Variants in MYCBP2 observed in about 807,000 individuals in gnomAD.
MYCBP2 encodes the protein MYC binding protein 2.
In MYCBP2, 120 loss-of-function variants were observed where a neutral mutation model predicts 525.3. That is an observed-to-expected ratio of 0.23 (90% confidence interval 0.20 to 0.27). MYCBP2 has a LOEUF of 0.27. Among genes scored for constraint, MYCBP2 ranks in the 10% least tolerant of loss-of-function variants. The probability of loss-of-function intolerance (pLI) is 1.00; values close to 1 mark genes in which losing one functional copy is unlikely to be tolerated. For synonymous variants in MYCBP2, 1,894 were observed against 1,955.8 expected (o/e 0.97, Z 0.83); for missense variants, 4,149 against 5,657.1 (o/e 0.73, Z 8.55).
chr13:77,074,117 G>A lies in MYCBP2; in HGVS notation c.11823+2634C>T, dbSNP rs1048523306. Among the ~76,000 whole-genome samples the A allele has an allele frequency of 2.0e-5, 3 of 150,146 alleles. No homozygotes were observed. In the South Asian group the frequency reaches 6.3e-4, roughly 32 times the overall value. On this transcript the variant is annotated intron_variant, in intron 68 of 82. Coordinates refer to ENST00000544440, the MANE Select transcript of MYCBP2 (RefSeq NM_015057.5). ...TAGATAAAGAACAAAGTTAGAACCTGATATCAAGACTTTTTATAAAGCTAC... is the reference window on the plus strand; with the variant it reads ...TAGATAAAGAACAAAGTTAGAACCTAATATCAAGACTTTTTATAAAGCTAC...
At position 77,270,490 on chromosome 13, in the gene MYCBP2, C is replaced by A; in HGVS notation, c.994G>T (p.Val332Leu). Residue 332 changes from valine (V) to leucine (L), a missense_variant, in exon 6 of 83, where the codon GTG (valine) becomes TTG (leucine). Around this residue, in one of 21 missense-constraint regions of MYCBP2, gnomAD observed 413 missense variants for 451.2 expected, o/e 0.92. Transcript: ENST00000544440. The part of the protein sequence containing the change: ...SLQRSVQAVL[V>L]GKIQIQDWFS... Reference sequence around the variant, plus strand: ...CAGTCCTGAATTTGAATTTTTCCCACCAAAACTGCTTGTACACTTCTCTGT... The same window carrying A: ...CAGTCCTGAATTTGAATTTTTCCCAACAAAACTGCTTGTACACTTCTCTGT... The A allele has an allele frequency of 6.2e-7, 1 of 1,613,550 alleles. No homozygotes were observed. The highest frequency in any genetic ancestry group is 8.5e-7 in the Non-Finnish European group (1 of 1,179,706).
intron 15 of MYCBP2, 122 bp downstream of exon 15, chr13:77,251,029 G>C: frequency 1.4e-6 from 1 of 691,484 alleles, no homozygotes; most frequent in Non-Finnish European, 2.3e-6. Flanking sequence ...TTTTGGCTAA[G>C]ATCAAGTGAA....
At chr13:77,177,997 T>A (rs759986458) in intron 34 of MYCBP2, 43 bp from the exon 35 acceptor site, 2 of 1,185,744 alleles carry the variant, frequency 1.7e-6, no homozygotes, top group East Asian at 4.7e-5. Context: ...TGGTATACCT[T>A]TAACAAAACC....
chr13:77,215,233 ATGAGCCCC>A, intron 21 of MYCBP2, among the ~76,000 whole-genome samples: 1 of 152,190 alleles, frequency 6.6e-6, no homozygotes, highest in East Asian at 1.9e-4. Flanking sequence ...ACTGAAACAA[ATGAGCCCC>A]ACTCTATTCC....
Position 77,176,599 on chromosome 13 carries a change from G to C in MYCBP2, c.5370C>G (p.Ser1790=), listed in dbSNP as rs748422990. ...CTAATTCCAGAGATGTCCATCTGTGGGAATGAGTTGAATCTCCTGCATGTT... is the reference window on the plus strand; with the variant it reads ...CTAATTCCAGAGATGTCCATCTGTGCGAATGAGTTGAATCTCCTGCATGTT... ...DSEHAGDSTH[S]HRWTSLELVK... is the part of the protein sequence containing the mutation. Residue 1790 remains serine (S), a synonymous_variant, in exon 36 of 83, where the codon TCC becomes TCG. Coordinates refer to ENST00000544440, the MANE Select transcript of MYCBP2 (RefSeq NM_015057.5). The C allele has an allele frequency of 6.3e-7, 1 of 1,582,904 alleles. No homozygotes were observed. The highest frequency in any genetic ancestry group is 1.3e-5 in the African/African-American group (1 of 74,316).
At chr13:77,186,778 C>A (rs1210984175) in intron 30 of MYCBP2, among the ~76,000 whole-genome samples, 1 of 150,986 alleles carries the variant, frequency 6.6e-6, no homozygotes, top group Non-Finnish European at 1.5e-5. Flanking sequence ...TCCCAGAGCT[C>A]CTGAAAACGA....
In MYCBP2 at chr13:77,051,182, A is replaced by T; in HGVS notation, c.13756-20T>A. Reference sequence around the variant, plus strand: ...ACACATCTATAGCAAAAGAGAAGAGACAGACACAAGATCATAGTGAGACTA... The same window carrying T: ...ACACATCTATAGCAAAAGAGAAGAGTCAGACACAAGATCATAGTGAGACTA... On this transcript the variant is annotated intron_variant, in intron 81 of 82. Transcript: ENST00000544440. The T allele has an allele frequency of 1.3e-6, 2 of 1,593,020 alleles. No homozygotes were observed. Among genetic ancestry groups the T allele is most frequent in the South Asian group, 2.3e-5 (2 of 88,092 alleles).
At chr13:77,230,538 A>AGAT (rs1452536026) in intron 18 of MYCBP2, among the ~76,000 whole-genome samples, 1 of 152,224 alleles carries the variant, frequency 6.6e-6, no homozygotes, top group Non-Finnish European at 1.5e-5. Context: ...ATACATTATG[A>AGAT]GATATCTTGG....
intron 14 of MYCBP2, among the ~76,000 whole-genome samples, 154 bp downstream of exon 14, chr13:77,257,517 T>C (rs1230444065): frequency 1.3e-5 from 2 of 151,770 alleles, no homozygotes; most frequent in African/African-American, 4.8e-5. Context: ...ATACCTACTA[T>C]CTACCCATAA....
At chr13:77,176,033 T>A (rs1452585460) in intron 36 of MYCBP2, among the ~76,000 whole-genome samples, 2 of 148,240 alleles carry the variant, frequency 1.3e-5, no homozygotes, top group Admixed American at 6.8e-5. Context: ...TTTTTTTTTT[T>A]AAATGAGTTA....
In MYCBP2 at chr13:77,091,998, G is replaced by A. The variant is rs141514914; in HGVS notation, c.10367+1167C>T. ...ATAAAAGGTTGCACTGCACTCTGGA[G>A]AAAATGTCAAGAGCAGCTTCAAAGA... On this transcript the variant is annotated intron_variant, in intron 59 of 82. Transcript: ENST00000544440. 5.3e-5 allele frequency among the ~76,000 whole-genome samples: 8 copies of A among 149,716 alleles called. No individual in the cohort carries two copies. The East Asian group carries it at 1.6e-3, about 30-fold the overall frequency.
intron 22 of MYCBP2, among the ~76,000 whole-genome samples, chr13:77,211,632 A>G (rs988045889): frequency 1.3e-5 from 2 of 152,146 alleles, no homozygotes; most frequent in Non-Finnish European, 2.9e-5. Flanking sequence ...CTCCCATAAA[A>G]ATTAATTTCT....
chr13:77,270,635 A>C, intron 5 of MYCBP2, 97 bp from the exon 6 acceptor site: 1 of 1,244,052 alleles, frequency 8.0e-7, no homozygotes, highest in Non-Finnish European at 1.1e-6. Context: ...TCATAAGACA[A>C]TAAATTGTTC....
In MYCBP2 at chr13:77,185,226, C is replaced by T; in HGVS notation, c.4596G>A (p.Leu1532=). The stretch of plus-strand genomic sequence containing the variant: ...CCTGAAGGACAGCTTCTAGAAGACT[C>T]AAGGGTTGACTGAGATATCCTTGAG... ...NDPQGYLSQP[L]SLLEAVLQEC... The change falls in exon 32 of 83, where the codon TTG becomes TTA. Residue 1532 remains leucine (L), a synonymous_variant. Transcript: ENST00000544440. 2.5e-6 allele frequency: 4 copies of T among 1,614,126 alleles called. No individual in the cohort carries two copies. The highest frequency in any genetic ancestry group is 1.7e-4 in the Middle Eastern group (1 of 6,060).
At chr13:77,101,899 CAAATAT>C (rs1302229119) in intron 55 of MYCBP2, among the ~76,000 whole-genome samples, 2 of 151,896 alleles carry the variant, frequency 1.3e-5, no homozygotes, top group Non-Finnish European at 2.9e-5. Context: ...AAAATACCAA[CAAATAT>C]AAACAGTTTG....
intron 21 of MYCBP2, among the ~76,000 whole-genome samples, chr13:77,215,535 G>C (rs1028702180): frequency 6.6e-6 from 1 of 152,160 alleles, no homozygotes; most frequent in African/African-American, 2.4e-5. Flanking sequence ...AACAGGACAG[G>C]TAAGAAAGAA....
Position 77,098,382 on chromosome 13 carries a change from T to C in MYCBP2, c.8772A>G (p.Val2924=). 6.2e-7 allele frequency: 1 copy of C among 1,613,492 alleles called. No homozygotes were observed. ...CCACCTCACTGTGGAGGTTTTCCTG[T>C]ACCACATGGGGAGAGGGAGCTCTAT... ...SENRAPSPHV[V]QENLHSEVVE... Residue 2924 remains valine, a synonymous_variant, in exon 56 of 83, where the codon GTA becomes GTG. Transcript: ENST00000544440.
intron 28 of MYCBP2, 40 bp from the exon 29 acceptor site, chr13:77,190,375 A>C: frequency 8.7e-7 from 1 of 1,148,610 alleles, no homozygotes; most frequent in Non-Finnish European, 1.3e-6. Flanking sequence ...CAACATGATC[A>C]TTACAGGAAA....
At chr13:77,074,087 T>A (rs2154092032) in intron 68 of MYCBP2, among the ~76,000 whole-genome samples, 1 of 136,626 alleles carries the variant, frequency 7.3e-6, no homozygotes, top group South Asian at 2.3e-4. Context: ...ATAGCCAAAA[T>A]AACTTAGATA....
Sources: gnomAD v4.1 joint callset for allele counts (sites outside exome capture counted in the v4.1 genomes callset) on GRCh38, gnomAD v4.1.1 for gene constraint, gnomAD v4.1.1 regional missense constraint, MANE v1.5 for transcripts, NCBI Gene and HGNC (gene_info 2026-07-23, HGNC 2026-07-21) for gene names.